PTPRM: variants seen among roughly 807,000 people sequenced by gnomAD.
PTPRM encodes receptor-type tyrosine-protein phosphatase mu.
Under a neutral mutation model 186.7 loss-of-function variants are expected in PTPRM, and 47 were observed. The ratio of observed to expected loss-of-function variants is 0.25; its 90% CI spans 0.20 to 0.32. PTPRM has a LOEUF of 0.32. Ranked by LOEUF, PTPRM falls within the 10% of genes least tolerant of loss-of-function variation. The pLI, the probability that PTPRM is intolerant of heterozygous loss-of-function variation, is 1.00. For missense variants in PTPRM, 1,494 were observed against 1,865.0 expected (o/e 0.80, Z 3.66); for synonymous variants, 668 against 674.9 (o/e 0.99, Z 0.16).
chr18:7,774,126 CTTT>C lies in PTPRM; in HGVS notation c.74-20_74-18del. 1 of 1,595,084 alleles carries C rather than the reference CTTT, an allele frequency of 6.3e-7. No individual in the cohort carries two copies. The highest frequency in any genetic ancestry group is 8.6e-7 in the Non-Finnish European group (1 of 1,164,042). On this transcript the variant is annotated intron_variant, in intron 1 of 32. Transcript: ENST00000580170. ...AGAGGTCTGGTTGGTATTTACATTA[CTTT>C]TTATTCTTTTACATTTTAGGTGGCT...
intron 22 of PTPRM, among the ~76,000 whole-genome samples, chr18:8,325,739 T>A (rs978134340): frequency 2.0e-5 from 3 of 152,204 alleles, no homozygotes; most frequent in Non-Finnish European, 2.9e-5. Context: ...TTGTAAGTTC[T>A]TTGAGAAATT....
At chr18:8,068,510 T>C (rs558412517) in intron 7 of PTPRM, among the ~76,000 whole-genome samples, 1 of 152,324 alleles carries the variant, frequency 6.6e-6, no homozygotes, top group Admixed American at 6.5e-5. Context: ...TTTTAAATTA[T>C]GCAAAAATGC....
intron 2 of PTPRM, among the ~76,000 whole-genome samples, chr18:7,840,442 A>G (rs2145828257): frequency 6.6e-6 from 1 of 152,346 alleles, no homozygotes; most frequent in East Asian, 1.9e-4. Context: ...TCGTATTTTG[A>G]AGCACTTGTT....
chr18:7,666,784 A>G (rs1440542135), intron 1 of PTPRM, among the ~76,000 whole-genome samples: 1 of 152,234 alleles, frequency 6.6e-6, no homozygotes, highest in African/African-American at 2.4e-5. Flanking sequence ...GCAGTTTACA[A>G]AAGGGTTGTA....
At chr18:7,687,969 G>T (rs1036281261) in intron 1 of PTPRM, among the ~76,000 whole-genome samples, 1 of 151,816 alleles carries the variant, frequency 6.6e-6, no homozygotes, top group African/African-American at 2.4e-5. Flanking sequence ...GTAGAGACAG[G>T]GTTTCACCAT....
chr18:8,240,621 GA>G (rs1289341304), intron 14 of PTPRM, among the ~76,000 whole-genome samples: 164 of 4,846 alleles, frequency 0.034, 4 homozygotes, highest in African/African-American at 0.071. Flanking sequence ...GAGGGAGGGA[GA>G]GAGAGAGAGA....
At chr18:8,281,687 G>A (rs2094905779) in intron 19 of PTPRM, among the ~76,000 whole-genome samples, 1 of 152,090 alleles carries the variant, frequency 6.6e-6, no homozygotes, top group South Asian at 2.1e-4. Flanking sequence ...TTTAGAGGTA[G>A]AAGTGGATTG....
chr18:7,683,250 C>A (rs982669345), intron 1 of PTPRM, among the ~76,000 whole-genome samples: 4 of 150,672 alleles, frequency 2.7e-5, no homozygotes, highest in Admixed American at 2.0e-4. Context: ...ACTGCAGCCT[C>A]GAACTCCTGG....
chr18:8,296,762 C>T (rs896396574), intron 20 of PTPRM, among the ~76,000 whole-genome samples: 7 of 152,136 alleles, frequency 4.6e-5, no homozygotes, highest in African/African-American at 1.4e-4. Flanking sequence ...TGGTTCCCAG[C>T]TGCTACGTGA....
At chr18:8,024,758 G>A (rs540513757) in intron 7 of PTPRM, among the ~76,000 whole-genome samples, 12 of 148,120 alleles carry the variant, frequency 8.1e-5, no homozygotes, top group South Asian at 2.1e-4. Context: ...ATCTTGGCTC[G>A]GTGCAGCCTT....
At chr18:8,006,524 G>T (rs2084196110) in intron 7 of PTPRM, among the ~76,000 whole-genome samples, 1 of 152,154 alleles carries the variant, frequency 6.6e-6, no homozygotes. Flanking sequence ...ACAGGTAAAG[G>T]AGGCTTCCTC....
chr18:7,965,457 C>T (rs552188857), intron 7 of PTPRM, among the ~76,000 whole-genome samples: 3 of 152,136 alleles, frequency 2.0e-5, no homozygotes, highest in Admixed American at 6.5e-5. Flanking sequence ...CTCATTTGCA[C>T]ACATACCCCA....
At chr18:8,347,747 T>G (rs1441304253) in intron 23 of PTPRM, among the ~76,000 whole-genome samples, 1 of 152,152 alleles carries the variant, frequency 6.6e-6, no homozygotes, top group Non-Finnish European at 1.5e-5. Context: ...GGTTTACCCA[T>G]AAATCTAAGT....
chr18:7,884,988 A>AGG (rs1238391810), intron 2 of PTPRM, among the ~76,000 whole-genome samples: 2 of 150,854 alleles, frequency 1.3e-5, no homozygotes, highest in Non-Finnish European at 3.0e-5. Context: ...TGAGAAGAAC[A>AGG]GGGTTGGGGC....
chr18:8,335,838 A>G (rs1025209078), intron 22 of PTPRM, among the ~76,000 whole-genome samples: 1 of 152,086 alleles, frequency 6.6e-6, no homozygotes, highest in African/African-American at 2.4e-5. Flanking sequence ...CCTGGCCAAC[A>G]CAGCAAAACC....
intron 17 of PTPRM, among the ~76,000 whole-genome samples, chr18:8,250,875 CAAT>C (rs900261749): frequency 9.9e-5 from 15 of 151,472 alleles, no homozygotes; most frequent in African/African-American, 3.6e-4. Context: ...TATATTTTAT[CAAT>C]AATAATTCTT....
At chr18:7,924,385 C>A (rs1001303869) in intron 4 of PTPRM, among the ~76,000 whole-genome samples, 1 of 151,996 alleles carries the variant, frequency 6.6e-6, no homozygotes, top group African/African-American at 2.4e-5. Flanking sequence ...TTTAAATTTC[C>A]TTGACAAGAA....
intron 14 of PTPRM, among the ~76,000 whole-genome samples, chr18:8,203,640 A>G (rs942999565): frequency 2.0e-5 from 3 of 152,180 alleles, no homozygotes; most frequent in African/African-American, 7.2e-5. Flanking sequence ...TTCTTAGGTG[A>G]TACATGCTAA....
At chr18:7,570,234 G>A (rs1472320279) in intron 1 of PTPRM, among the ~76,000 whole-genome samples, 2 of 152,224 alleles carry the variant, frequency 1.3e-5, no homozygotes, top group Non-Finnish European at 2.9e-5. Context: ...TAGTACAGGT[G>A]TGAATCAGGG....
Sources: gnomAD v4.1 joint callset for allele counts (sites outside exome capture counted in the v4.1 genomes callset) on GRCh38, gnomAD v4.1.1 for gene constraint, MANE v1.5 for transcripts, NCBI Gene and HGNC (gene_info 2026-07-23, HGNC 2026-07-21) for gene names.